NR1I2: variants seen among roughly 807,000 people sequenced by gnomAD.
The protein encoded by NR1I2 is orphan nuclear receptor PAR1.
Under a neutral mutation model 43.3 loss-of-function variants are expected in NR1I2, and 42 were observed. That is an observed-to-expected ratio of 0.97 (90% CI 0.76 to 1.26). The LOEUF (loss-of-function observed/expected upper bound fraction) is 1.26, where lower values mean the gene tolerates loss of function less well. Ranked by LOEUF, NR1I2 falls within the 50% of genes most tolerant of loss-of-function variation. The pLI is 0.00. For missense variants in NR1I2, 559 were observed against 566.7 expected, an observed-to-expected ratio of 0.99 and a Z score of 0.14; for synonymous variants, 229 against 215.0, an observed-to-expected ratio of 1.06 and a Z score of -0.57.
chr3:119,807,961 A>C (rs1281551740), intron 2 of NR1I2, among the ~76,000 whole-genome samples: 2 of 152,180 alleles, frequency 1.3e-5, no homozygotes, highest in African/African-American at 4.8e-5. Flanking sequence ...ACCCTCATGC[A>C]TTCCCAAGAC....
At chr3:119,809,997 G>A in intron 2 of NR1I2, 64 bp from the exon 3 acceptor site, 24 of 1,606,600 alleles carry the variant, frequency 1.5e-5, no homozygotes, top group Non-Finnish European at 2.0e-5. Flanking sequence ...GGTATGGCCC[G>A]GAGCCCCAGG....
Position 119,815,400 on chromosome 3 carries a change from G to A in NR1I2, c.1015G>A (p.Glu339Lys). The change falls in exon 7 of 9, where the codon GAG becomes AAG. Residue 339 changes from glutamate (E) to lysine (K), a missense_variant. Coordinates refer to ENST00000393716, the MANE Select transcript of NR1I2 (RefSeq NM_003889.4). ...GAAGAAGCTGCAGCTGCATGAGGAG[G>A]AGTATGTGCTGATGCAGGCCATCTC... 6.2e-7 allele frequency: 1 copy of A among 1,613,436 alleles called. No individual in the cohort carries two copies. Among genetic ancestry groups the A allele is most frequent in the South Asian group, 1.1e-5 (1 of 91,054 alleles).
chr3:119,783,265 A>G (rs1468478976), intron 1 of NR1I2, among the ~76,000 whole-genome samples: 3 of 152,244 alleles, frequency 2.0e-5, no homozygotes, highest in Non-Finnish European at 4.4e-5. Flanking sequence ...TATGGCTCAC[A>G]GGCTAACTCT....
At chr3:119,805,081 C>T (rs1262563920) in intron 1 of NR1I2, among the ~76,000 whole-genome samples, 2 of 152,012 alleles carry the variant, frequency 1.3e-5, no homozygotes, top group South Asian at 2.1e-4. Flanking sequence ...TTGTTTATTC[C>T]GATTTTTACA....
intron 1 of NR1I2, among the ~76,000 whole-genome samples, chr3:119,785,395 G>A (rs2107942877): frequency 6.6e-6 from 1 of 152,296 alleles, no homozygotes; most frequent in Admixed American, 6.5e-5. Flanking sequence ...GGGTCTACTG[G>A]CCACACAAAT....
intron 1 of NR1I2, among the ~76,000 whole-genome samples, chr3:119,789,779 G>A (rs1407670668): frequency 6.6e-6 from 1 of 152,072 alleles, no homozygotes; most frequent in Non-Finnish European, 1.5e-5. Context: ...GCACAGGGCA[G>A]GACTGAGGCA....
chr3:119,807,414 T>C lies in NR1I2; in HGVS notation c.164T>C (p.Val55Ala), dbSNP rs1009134763. Residue 55 changes from valine (V) to alanine (A), a missense_variant, in exon 2 of 9, where the codon GTC becomes GCC. By Grantham distance (64) the Val-to-Ala change is moderately conservative (BLOSUM62 0). Around this residue, in one of 3 missense-constraint regions of NR1I2, gnomAD observed 232 missense variants for 236.6 expected, o/e 0.98. Transcript: ENST00000393716. ...AAGGCCACTGGCTATCACTTCAATG[T>C]CATGACATGTGAAGGATGCAAGGGC... is the stretch of plus-strand genomic sequence containing the variant. 3 of 1,614,140 alleles carry C rather than the reference T, an allele frequency of 1.9e-6. No homozygotes were observed. The highest frequency in any genetic ancestry group is 2.5e-6 in the Non-Finnish European group (3 of 1,180,040).
Position 119,807,320 on chromosome 3 carries a change from C to G in NR1I2, c.70C>G (p.Pro24Ala), listed in dbSNP as rs1216188922. Residue 24 changes from proline (P) to alanine (A), a missense_variant, in exon 2 of 9, where the codon CCT becomes GCT. Physicochemically the swap from Pro to Ala is conservative, Grantham distance 27. Transcript: ENST00000393716. ...ACACTGTGAGGACACAGAGTCTGTT[C>G]CTGGAAAGCCCAGTGTCAACGCAGA... 1 of 1,614,226 alleles carries G rather than the reference C, an allele frequency of 6.2e-7. No individual in the cohort carries two copies. The highest frequency in any genetic ancestry group is 1.7e-5 in the Admixed American group (1 of 60,020).
intron 2 of NR1I2, among the ~76,000 whole-genome samples, chr3:119,807,839 G>A (rs2055183333): frequency 6.6e-6 from 1 of 152,172 alleles, no homozygotes; most frequent in Non-Finnish European, 1.5e-5. Context: ...ACCGAAGGGA[G>A]GGGAAGGGCG....
intron 1 of NR1I2, among the ~76,000 whole-genome samples, chr3:119,803,363 G>GAC (rs982192656): frequency 1.3e-5 from 2 of 151,270 alleles, no homozygotes; most frequent in African/African-American, 4.9e-5. Context: ...GAGAGAGAGA[G>GAC]AGAGAGAGAG....
chr3:119,792,169 G>T, intron 1 of NR1I2: 4 of 954,508 alleles, frequency 4.2e-6, no homozygotes, highest in Non-Finnish European at 6.8e-6. Context: ...TATGATGAGC[G>T]TGTGCTGCCA....
intron 5 of NR1I2, among the ~76,000 whole-genome samples, chr3:119,814,346 C>T (rs557432372): frequency 9.9e-5 from 15 of 152,284 alleles, no homozygotes; most frequent in South Asian, 6.2e-4. Flanking sequence ...CTTGTTAAGC[C>T]GCCTCCATGG....
chr3:119,801,078 C>T (rs1577277014), intron 1 of NR1I2, among the ~76,000 whole-genome samples: 1 of 152,294 alleles, frequency 6.6e-6, no homozygotes, highest in East Asian at 1.9e-4. Context: ...GCTGTGTGTG[C>T]TCAGTGCAGC....
At chr3:119,794,916 G>C (rs1052174141) in intron 1 of NR1I2, among the ~76,000 whole-genome samples, 1 of 152,206 alleles carries the variant, frequency 6.6e-6, no homozygotes, top group Admixed American at 6.5e-5. Flanking sequence ...TCCAGCCTGA[G>C]TGACAAGATT....
chr3:119,787,211 C>A (rs1329480517), intron 1 of NR1I2, among the ~76,000 whole-genome samples: 3 of 151,892 alleles, frequency 2.0e-5, no homozygotes, highest in Non-Finnish European at 4.4e-5. Flanking sequence ...TCATTTGAAC[C>A]CAGAAGGTGG....
intron 1 of NR1I2, among the ~76,000 whole-genome samples, chr3:119,802,145 T>C (rs1490429865): frequency 6.6e-6 from 1 of 152,142 alleles, no homozygotes; most frequent in Admixed American, 6.5e-5. Context: ...GGGGGCCACC[T>C]TGGATAACAG....
intron 1 of NR1I2, among the ~76,000 whole-genome samples, chr3:119,786,448 A>T (rs1445342407): frequency 6.6e-6 from 1 of 152,238 alleles, no homozygotes; most frequent in South Asian, 2.1e-4. Flanking sequence ...GGAAATTGAC[A>T]TAAAGAGACA....
At chr3:119,796,024 G>T (rs1205732995) in intron 1 of NR1I2, among the ~76,000 whole-genome samples, 4 of 152,108 alleles carry the variant, frequency 2.6e-5, no homozygotes, top group Non-Finnish European at 5.9e-5. Flanking sequence ...GTCACTAGTG[G>T]ATCACCTCCC....
chr3:119,800,066 T>C (rs2107960936), intron 1 of NR1I2, among the ~76,000 whole-genome samples: 1 of 152,312 alleles, frequency 6.6e-6, no homozygotes, highest in South Asian at 2.1e-4. Context: ...AAGAAATCTT[T>C]CCCTAACCAT....
Sources: gnomAD v4.1 joint callset for allele counts (sites outside exome capture counted in the v4.1 genomes callset) on GRCh38, gnomAD v4.1.1 for gene constraint, gnomAD v4.1.1 regional missense constraint, MANE v1.5 for transcripts, NCBI Gene and HGNC (gene_info 2026-07-23, HGNC 2026-07-21) for gene names.